The following CSMD1 variants were observed in gnomAD, a reference collection of about 807,000 sequenced individuals.
The protein encoded by CSMD1 is CUB and Sushi multiple domains 1.
Under a neutral mutation model 417.5 loss-of-function variants are expected in CSMD1, and 213 were observed. The ratio of observed to expected loss-of-function variants is 0.51; its 90% CI spans 0.46 to 0.57. The LOEUF (loss-of-function observed/expected upper bound fraction) is 0.57. Ranked by LOEUF, CSMD1 falls within the 20% of genes least tolerant of loss-of-function variation. CSMD1 has a pLI of 0.00. For missense variants in CSMD1, 6,923 were observed against 4,529.7 expected, an observed-to-expected ratio of 1.53 and a Z score of -15.17; for synonymous variants, 2,862 against 1,736.8, an observed-to-expected ratio of 1.65 and a Z score of -16.11.
chr8:3,085,738 C>G (rs998453142), intron 49 of CSMD1, among the ~76,000 whole-genome samples: 1 of 152,236 alleles, frequency 6.6e-6, no homozygotes, highest in Non-Finnish European at 1.5e-5. Flanking sequence ...TTTAATCCTT[C>G]TCAACCATTC....
In CSMD1 at chr8:3,062,826, T is replaced by C. The variant is rs576536886; in HGVS notation, c.7475-10179A>G. On this transcript the variant is annotated intron_variant, in intron 49 of 69. Coordinates refer to ENST00000635120, the MANE Select transcript of CSMD1 (RefSeq NM_033225.6). ...TCTAGAATGTTTACTCAGGGGTAAATTGGCTGCTCAGCCAAAGCTGTGCAA... is the reference window on the plus strand; with the variant it reads ...TCTAGAATGTTTACTCAGGGGTAAACTGGCTGCTCAGCCAAAGCTGTGCAA... 2.0e-5 allele frequency among the ~76,000 whole-genome samples: 3 copies of C among 152,272 alleles called. No homozygotes were observed. The South Asian group carries it at 6.2e-4, about 32-fold the overall frequency.
intron 3 of CSMD1, among the ~76,000 whole-genome samples, chr8:4,191,133 A>G (rs925375654): frequency 2.6e-5 from 4 of 152,238 alleles, no homozygotes; most frequent in Admixed American, 2.0e-4. Context: ...GAGGTAGCTC[A>G]TGCCTGTAAT....
intron 1 of CSMD1, among the ~76,000 whole-genome samples, chr8:4,816,630 G>T (rs1216065078): frequency 6.6e-6 from 1 of 152,180 alleles, no homozygotes; most frequent in East Asian, 1.9e-4. Flanking sequence ...GTGAACACCT[G>T]TTCCCGACCG....
At chr8:2,991,649 C>A (rs758667466) in intron 54 of CSMD1, among the ~76,000 whole-genome samples, 1 of 151,716 alleles carries the variant, frequency 6.6e-6, no homozygotes, top group African/African-American at 2.4e-5. Flanking sequence ...TGAAACATAC[C>A]CTTTTTAAAA....
chr8:4,309,887 C>G (rs1798464451), intron 3 of CSMD1, among the ~76,000 whole-genome samples: 1 of 152,160 alleles, frequency 6.6e-6, no homozygotes, highest in South Asian at 2.1e-4. Context: ...GAGGGTCTTA[C>G]ATGTGCTTCA....
At chr8:4,104,759 G>A (rs1180772254) in intron 3 of CSMD1, among the ~76,000 whole-genome samples, 2 of 152,132 alleles carry the variant, frequency 1.3e-5, no homozygotes, top group African/African-American at 4.8e-5. Flanking sequence ...AGCACAATCC[G>A]GCTTTCCGTT....
intron 7 of CSMD1, among the ~76,000 whole-genome samples, chr8:3,649,607 T>A (rs2449202): frequency 2.0e-5 from 3 of 151,882 alleles, no homozygotes; most frequent in African/African-American, 4.8e-5. Context: ...GTAGATCTTA[T>A]GAGAACTTAC....
chr8:3,979,114 T>C (rs1813659292), intron 5 of CSMD1, among the ~76,000 whole-genome samples: 1 of 152,242 alleles, frequency 6.6e-6, no homozygotes, highest in Non-Finnish European at 1.5e-5. Flanking sequence ...TAGAGAGCTC[T>C]ACTTCACAGT....
chr8:4,029,413 G>C lies in CSMD1; in HGVS notation c.610+2492C>G, dbSNP rs150519884. ...TCACAATCATGGTGGAAGGCAAGGA[G>C]GACCTAGCCACGTCTTATATGGATA... On this transcript the variant is annotated intron_variant, in intron 4 of 69. Transcript: ENST00000635120. Among the ~76,000 whole-genome samples, 201 of 152,310 alleles carry C rather than the reference G, an allele frequency of 1.3e-3. 1 individual carries two copies. The highest frequency in any genetic ancestry group is 4.4e-3 in the African/African-American group (182 of 41,564).
chr8:4,896,012 T>C (rs1804456176), intron 1 of CSMD1, among the ~76,000 whole-genome samples: 1 of 152,022 alleles, frequency 6.6e-6, no homozygotes, highest in Admixed American at 6.6e-5. Flanking sequence ...ATTTTCTGAT[T>C]GAGATATTTG....
At chr8:4,591,883 G>A (rs1800003521) in intron 2 of CSMD1, among the ~76,000 whole-genome samples, 1 of 152,104 alleles carries the variant, frequency 6.6e-6, no homozygotes, top group Admixed American at 6.5e-5. Flanking sequence ...GGACCGGTGG[G>A]GAGGCTGAAA....
chr8:4,438,863 G>A (rs1013002083), intron 2 of CSMD1, among the ~76,000 whole-genome samples: 2 of 152,130 alleles, frequency 1.3e-5, no homozygotes, highest in African/African-American at 2.4e-5. Context: ...TCTGTATCAC[G>A]TTCCCTTGAA....
At chr8:4,489,381 A>T (rs568053506) in intron 2 of CSMD1, among the ~76,000 whole-genome samples, 3 of 152,334 alleles carry the variant, frequency 2.0e-5, no homozygotes, top group African/African-American at 4.8e-5. Flanking sequence ...TATATTTCAC[A>T]TGCAATCCCC....
At chr8:2,963,484 A>T in intron 59 of CSMD1, 89 bp from the exon 60 acceptor site, 1 of 1,342,304 alleles carries the variant, frequency 7.4e-7, no homozygotes, top group Non-Finnish European at 1.0e-6. Flanking sequence ...TTTTACCTGA[A>T]TTACAAATGA....
In CSMD1 at chr8:3,290,921, C is replaced by T. The variant is rs1386656761; in HGVS notation, c.3951-6575G>A. ...CTTGTGCCTGTTTTCAAAGGGAATG[C>T]TTCCAGTTTTTCCCATTCAGTATGA... On this transcript the variant is annotated intron_variant, in intron 25 of 69. Coordinates refer to ENST00000635120, the MANE Select transcript of CSMD1 (RefSeq NM_033225.6). Among the ~76,000 whole-genome samples the T allele has an allele frequency of 3.3e-5, 5 of 152,114 alleles. No homozygotes were observed. In the East Asian group the frequency reaches 5.8e-4, roughly 18 times the overall value.
rs139019111 is a variant in CSMD1 at position 3,453,352 on chromosome 8, G to A, written c.1561+15360C>T. On this transcript the variant is annotated intron_variant, in intron 12 of 69. Transcript: ENST00000635120. ...TCTTAGTTATTTCTCACCTTCTGCTGGCTTTTGAATGTGTTTGCTCTTGCT... is the reference window on the plus strand; with the variant it reads ...TCTTAGTTATTTCTCACCTTCTGCTAGCTTTTGAATGTGTTTGCTCTTGCT... Among the ~76,000 whole-genome samples the A allele has an allele frequency of 3.3e-5, 5 of 151,880 alleles. No homozygotes were observed. In the East Asian group the frequency reaches 7.8e-4, roughly 24 times the overall value.
At chr8:3,143,693 TC>T (rs1818654169) in intron 40 of CSMD1, among the ~76,000 whole-genome samples, 1 of 152,242 alleles carries the variant, frequency 6.6e-6, no homozygotes, top group African/African-American at 2.4e-5. Flanking sequence ...AGAGTGTTAT[TC>T]CAGTATAAAA....
chr8:3,470,703 C>T (rs577742261), intron 11 of CSMD1, among the ~76,000 whole-genome samples: 2 of 152,200 alleles, frequency 1.3e-5, no homozygotes, highest in African/African-American at 2.4e-5. Flanking sequence ...CTGTCCCTAA[C>T]CCCTGGCAAC....
intron 31 of CSMD1, among the ~76,000 whole-genome samples, chr8:3,202,828 A>G (rs1302700956): frequency 6.6e-6 from 1 of 152,180 alleles, no homozygotes; most frequent in Non-Finnish European, 1.5e-5. Flanking sequence ...ATCTAATATA[A>G]CTTGTCTTTT....
Sources: allele counts gnomAD v4.1 joint callset (sites outside exome capture counted in the v4.1 genomes callset), GRCh38; gene constraint gnomAD v4.1.1; transcripts MANE v1.5; gene names NCBI Gene and HGNC (gene_info 2026-07-23, HGNC 2026-07-21).